Variants in WDPCP observed in about 807,000 individuals in gnomAD.
WDPCP encodes the protein WD repeat-containing and planar cell polarity effector protein fritz homolog.
In WDPCP, 71 loss-of-function variants were observed where a neutral mutation model predicts 93.1. That is an observed-to-expected ratio of 0.76 (90% CI 0.63 to 0.93). The LOEUF (loss-of-function observed/expected upper bound fraction) is 0.93, where lower values mean the gene tolerates loss of function less well. Among genes scored for constraint, WDPCP ranks in the 40% least tolerant of loss-of-function variants. The pLI, the probability that WDPCP is intolerant of heterozygous loss-of-function variation, is 0.00. For missense variants in WDPCP, 844 were observed against 887.4 expected, an observed-to-expected ratio of 0.95 and a Z score of 0.62; for synonymous variants, 315 against 315.0, an observed-to-expected ratio of 1.00 and a Z score of 0.00.
intron 12 of WDPCP, among the ~76,000 whole-genome samples, chr2:63,359,272 G>A (rs890892501): frequency 3.3e-5 from 5 of 152,148 alleles, no homozygotes; most frequent in Non-Finnish European, 7.4e-5. Flanking sequence ...TCATGCTTAA[G>A]ACGTGCAACC....
intron 12 of WDPCP, among the ~76,000 whole-genome samples, chr2:63,347,475 T>C (rs573932969): frequency 1.3e-5 from 2 of 152,172 alleles, no homozygotes; most frequent in Non-Finnish European, 2.9e-5. Context: ...TAGTAGGACA[T>C]GGAGCCTGGC....
intron 1 of WDPCP, among the ~76,000 whole-genome samples, chr2:63,582,247 A>C (rs941368920): frequency 1.3e-5 from 2 of 152,192 alleles, no homozygotes; most frequent in Middle Eastern, 3.2e-3. Context: ...CAACTTCTAC[A>C]CATAAAAACA....
chr2:63,161,800 G>A (rs1161337677), intron 15 of WDPCP, among the ~76,000 whole-genome samples: 1 of 145,150 alleles, frequency 6.9e-6, no homozygotes, highest in Non-Finnish European at 1.5e-5. Flanking sequence ...GTCTTGCTCT[G>A]TTGCTCAGGC....
At position 63,575,439 on chromosome 2, in the gene WDPCP, G is replaced by GTA. The variant is rs1402088527; in HGVS notation, c.75+12757_75+12758insTA. Among the ~76,000 whole-genome samples the GTA allele has an allele frequency of 2.3e-4, 21 of 91,970 alleles. 1 individual carries two copies. The highest frequency in any genetic ancestry group is 1.1e-3 in the African/African-American group (20 of 17,750). 60.3% of individuals were successfully genotyped at this position (91,970 alleles called of 152,430 possible). On this transcript the variant is annotated intron_variant, in intron 1 of 17. Coordinates refer to ENST00000272321, the MANE Select transcript of WDPCP (RefSeq NM_015910.7). ...ATACACTGTATACAGTGTATATACAGTGTATACACTGTATATACAGTATAT... is the reference window on the plus strand; with the variant it reads ...ATACACTGTATACAGTGTATATACAGTATGTATACACTGTATATACAGTATAT...
chr2:63,680,995 C>T (rs1427410884), intron 2 of WDPCP, among the ~76,000 whole-genome samples: 1 of 152,162 alleles, frequency 6.6e-6, no homozygotes, highest in African/African-American at 2.4e-5. Context: ...CAGGATTCAT[C>T]ACCTGCTGAC....
At chr2:63,239,037 A>G (rs1048279174) in intron 14 of WDPCP, among the ~76,000 whole-genome samples, 1 of 152,228 alleles carries the variant, frequency 6.6e-6, no homozygotes, top group Admixed American at 6.5e-5. Context: ...ATGAGGCCGT[A>G]GAATACAGCC....
At chr2:63,212,962 G>A (rs551686706) in intron 14 of WDPCP, among the ~76,000 whole-genome samples, 8 of 152,160 alleles carry the variant, frequency 5.3e-5, no homozygotes, top group Non-Finnish European at 1.0e-4. Flanking sequence ...GGAGCACCCA[G>A]ATTCATAAAG....
rs375424543 is a variant in WDPCP at position 63,211,873 on chromosome 2, T to C, written c.1916-37041A>G. On this transcript the variant is annotated intron_variant, in intron 14 of 17. Coordinates refer to ENST00000272321, the MANE Select transcript of WDPCP (RefSeq NM_015910.7). Reference sequence around the variant, plus strand: ...CAAGTGGAATAAAGGGTATCAGTGATTGAAGATCAAATGAATGAAATGGAG... The same window carrying C: ...CAAGTGGAATAAAGGGTATCAGTGACTGAAGATCAAATGAATGAAATGGAG... 2.2e-4 allele frequency among the ~76,000 whole-genome samples: 34 copies of C among 152,212 alleles called. No homozygotes were observed. In the East Asian group the frequency reaches 3.9e-3, roughly 17 times the overall value.
upstream of WDPCP, among the ~76,000 whole-genome samples, chr2:63,829,889 A>G (rs1671168485): frequency 6.6e-6 from 1 of 151,952 alleles, no homozygotes; most frequent in Non-Finnish European, 1.5e-5. Flanking sequence ...ACGTGTGGGA[A>G]GAGAAATGTA....
At chr2:63,399,619 A>G (rs1558576211) in intron 10 of WDPCP, among the ~76,000 whole-genome samples, 1 of 147,536 alleles carries the variant, frequency 6.8e-6, no homozygotes, top group African/African-American at 2.5e-5. Context: ...GGGCGGGAAG[A>G]GAGAGAGACA....
At chr2:63,289,140 A>T (rs1684226024) in intron 13 of WDPCP, among the ~76,000 whole-genome samples, 1 of 152,128 alleles carries the variant, frequency 6.6e-6, no homozygotes, top group African/African-American at 2.4e-5. Context: ...TTCATGAGAA[A>T]ATATTTTGAG....
upstream of WDPCP, chr2:63,589,159 C>G: frequency 6.2e-7 from 1 of 1,611,954 alleles, no homozygotes. Context: ...GTCCTTCGCG[C>G]CCTTTGGCAA....
chr2:63,793,797 C>T (rs376414224), intron 2 of WDPCP, among the ~76,000 whole-genome samples: 10 of 147,682 alleles, frequency 6.8e-5, no homozygotes, highest in Non-Finnish European at 1.4e-4. Flanking sequence ...ACTGAACTCT[C>T]TATAAATATT....
intron 14 of WDPCP, among the ~76,000 whole-genome samples, chr2:63,209,037 A>T (rs1676552059): frequency 6.6e-6 from 1 of 152,210 alleles, no homozygotes; most frequent in African/African-American, 2.4e-5. Context: ...CAGAAGTAAC[A>T]GCCCATTAGG....
intron 14 of WDPCP, among the ~76,000 whole-genome samples, chr2:63,240,724 T>C (rs538587008): frequency 8.2e-4 from 125 of 152,296 alleles, no homozygotes; most frequent in African/African-American, 2.8e-3. Context: ...CTGCCCCAGA[T>C]TGGCATAATT....
chr2:63,173,462 C>T (rs1673558430), intron 15 of WDPCP, among the ~76,000 whole-genome samples: 1 of 152,100 alleles, frequency 6.6e-6, no homozygotes, highest in African/African-American at 2.4e-5. Context: ...TTTTATTAGA[C>T]AATGCTGCTA....
chr2:63,766,578 T>TA (rs372826212), intron 2 of WDPCP, among the ~76,000 whole-genome samples: 2,661 of 145,558 alleles, frequency 0.018, 80 homozygotes, highest in African/African-American at 0.062. Flanking sequence ...GTATGTTACT[T>TA]AAAAAAAAAA....
chr2:63,639,423 G>C (rs1292152290), intron 3 of WDPCP, among the ~76,000 whole-genome samples: 1 of 152,144 alleles, frequency 6.6e-6, no homozygotes, highest in African/African-American at 2.4e-5. Flanking sequence ...TGGGATTACA[G>C]GTGTGCGCAA....
chr2:63,508,982 T>C (rs1373323604), intron 1 of WDPCP, among the ~76,000 whole-genome samples: 3 of 152,226 alleles, frequency 2.0e-5, no homozygotes, highest in Admixed American at 6.5e-5. Flanking sequence ...ACAATCATAG[T>C]GGGAGACTTT....
Sources: allele counts gnomAD v4.1 joint callset (sites outside exome capture counted in the v4.1 genomes callset), GRCh38; gene constraint gnomAD v4.1.1; transcripts MANE v1.5; gene names NCBI Gene and HGNC (gene_info 2026-07-23, HGNC 2026-07-21).